NLRP13: variants seen among roughly 807,000 people sequenced by gnomAD.
NLRP13 encodes the protein NACHT, LRR and PYD domains-containing protein 13.
In NLRP13, 82 loss-of-function variants were observed where a neutral mutation model predicts 94.4. That is an observed-to-expected ratio of 0.87 (90% CI 0.73 to 1.04). The LOEUF (loss-of-function observed/expected upper bound fraction) is 1.04, where lower values mean the gene tolerates loss of function less well. Ranked by LOEUF, NLRP13 falls within the 50% of genes least tolerant of loss-of-function variation. The probability of loss-of-function intolerance (pLI) is 0.00; values close to 1 mark genes in which losing one functional copy is unlikely to be tolerated. For synonymous variants in NLRP13, 553 were observed against 464.7 expected, an observed-to-expected ratio of 1.19 and a Z score of -2.45; for missense variants, 1,426 against 1,230.8, an observed-to-expected ratio of 1.16 and a Z score of -2.37.
intron 5 of NLRP13, among the ~76,000 whole-genome samples, chr19:55,911,365 G>A (rs1797567840): frequency 6.6e-6 from 1 of 152,110 alleles, no homozygotes; most frequent in South Asian, 2.1e-4. Context: ...CCAGTAGCTG[G>A]GACCACAGGT....
downstream of NLRP13, among the ~76,000 whole-genome samples, chr19:55,894,245 T>C (rs1985937858): frequency 6.6e-6 from 1 of 152,068 alleles, no homozygotes. Context: ...TCTGCCTATG[T>C]TGCCCATGCT....
rs143926098 is a variant in NLRP13 at position 55,912,619 on chromosome 19, C to T, written c.1198G>A (p.Asp400Asn). 3.1e-5 allele frequency: 50 copies of T among 1,614,168 alleles called. No individual in the cohort carries two copies. Among genetic ancestry groups the T allele is most frequent in the Non-Finnish European group, 4.2e-5 (49 of 1,180,010 alleles). The part of the protein sequence containing the change: ...DLRVYFMRHF[D>N]DSSEVEKILQ... ...ATTTTCTCAACTTCACTTGAGTCAT[C>T]AAAGTGTCTCATGAAATATACCCGT... The change falls in exon 5 of 11, where the codon GAT (aspartate) becomes AAT (asparagine). Residue 400 changes from aspartate (D) to asparagine (N), a missense_variant. Physicochemically the swap from Asp to Asn is conservative, Grantham distance 23. Coordinates refer to ENST00000342929, the MANE Select transcript of NLRP13 (RefSeq NM_176810.2).
At position 55,916,465 on chromosome 19, in the gene NLRP13, A is replaced by C. The variant is rs374461576; in HGVS notation, c.524-3172T>G. 2.0e-5 allele frequency among the ~76,000 whole-genome samples: 3 copies of C among 152,326 alleles called. 1 individual carries two copies. The highest frequency in any genetic ancestry group is 7.2e-5 in the African/African-American group (3 of 41,582). ...CAAGAGAAATCATAAAACCTGTACA[A>C]AGAAATCAGAAAATAAATTCAGGAT... On this transcript the variant is annotated intron_variant, in intron 4 of 10. Transcript: ENST00000342929.
At chr19:55,898,204 TTG>T (rs1491020285) in intron 10 of NLRP13, among the ~76,000 whole-genome samples, 4 of 31,972 alleles carry the variant, frequency 1.3e-4, no homozygotes, top group Non-Finnish European at 2.5e-4. Context: ...GTTTTTGTTT[TTG>T]TTTTTGTTTT....
Position 55,932,011 on chromosome 19 carries a change from C to A in NLRP13, c.301G>T (p.Val101Phe). The A allele has an allele frequency of 6.2e-7, 1 of 1,613,676 alleles. No individual in the cohort carries two copies. The highest frequency in any genetic ancestry group is 8.5e-7 in the Non-Finnish European group (1 of 1,180,024). Residue 101 changes from valine (V) to phenylalanine (F), a missense_variant, in exon 1 of 11, where the codon GTT becomes TTT. Val to Phe is a conservative substitution (Grantham distance 50, BLOSUM62 -1). Transcript: ENST00000342929. ...TMNLTSLCEK[V>F]RAEMKENVQT... ...CTCTCACCTTTCATCTCGGCTCTAA[C>A]TTTCTCACACAGTGAGGTCAGATTC... is the stretch of plus-strand genomic sequence containing the variant.
chr19:55,901,798 C>T (rs1986185300), intron 9 of NLRP13, among the ~76,000 whole-genome samples: 1 of 152,022 alleles, frequency 6.6e-6, no homozygotes, highest in African/African-American at 2.4e-5. Flanking sequence ...GGCTGGATCC[C>T]GAGTCCTCCC....
At chr19:55,898,975 T>C (rs1986092841) in intron 9 of NLRP13, 38 bp from the exon 10 acceptor site, 5 of 1,587,426 alleles carry the variant, frequency 3.1e-6, no homozygotes, top group Non-Finnish European at 4.3e-6. Context: ...GGAAAGTAAT[T>C]GCGTCCCGAA....
rs552779461 is a variant in NLRP13 at position 55,918,712 on chromosome 19, G to A, written c.523+5202C>T. 2.2e-4 allele frequency among the ~76,000 whole-genome samples: 34 copies of A among 152,142 alleles called. 1 individual carries two copies. The South Asian group carries it at 7.0e-3, about 31-fold the overall frequency. ...CCTGAACAGATCAACAACAAGGAGT[G>A]AGTGAATCAGTAATTTAAAAAATTA... On this transcript the variant is annotated intron_variant, in intron 4 of 10. Transcript: ENST00000342929.
intron 10 of NLRP13, among the ~76,000 whole-genome samples, chr19:55,897,782 T>A (rs1986053951): frequency 6.6e-6 from 1 of 152,192 alleles, no homozygotes; most frequent in South Asian, 2.1e-4. Flanking sequence ...AATCTCTGAA[T>A]AGAGGTTTGA....
chr19:55,927,354 C>A (rs1446322919), intron 1 of NLRP13, among the ~76,000 whole-genome samples: 4 of 132,546 alleles, frequency 3.0e-5, no homozygotes, highest in African/African-American at 5.9e-5. Context: ...GGTGGCAGAG[C>A]GAGGCTCCAT....
rs375147174 is a variant in NLRP13, at chr19:55,903,593, T to G, written c.2618+1349A>C. On this transcript the variant is annotated intron_variant, in intron 8 of 10. Transcript: ENST00000342929. ...TCACGTAACATCTCTGAATGGCATC[T>G]CAAGCTCCTATACCCCCAACCCAAA... Among the ~76,000 whole-genome samples the G allele has an allele frequency of 5.9e-5, 9 of 152,180 alleles. No homozygotes were observed. The East Asian group carries it at 1.4e-3, about 23-fold the overall frequency.
rs1338071833 is a variant in NLRP13, at chr19:55,930,901, A to ATATATATATATATATTT, written c.319+1091_319+1092insAAATATATATATATATA. 4.4e-3 allele frequency among the ~76,000 whole-genome samples: 436 copies of ATATATATATATATATTT among 98,194 alleles called. 3 individuals carry two copies. The highest frequency in any genetic ancestry group is 7.5e-3 in the Non-Finnish European group (400 of 53,006). The allele number at this position is 98,194 out of a possible 152,430, so 64.4% of individuals were successfully genotyped here. A position where few individuals can be genotyped will look rare whatever the true frequency, so the allele number is the denominator to read the frequency against. ...ATATATATATATATATATATATAAA[A>ATATATATATATATATTT]TTTTAACCAGAAGCTTAAACAGCAT... is the stretch of plus-strand genomic sequence containing the variant. On this transcript the variant is annotated intron_variant, in intron 1 of 10. Coordinates refer to ENST00000342929, the MANE Select transcript of NLRP13 (RefSeq NM_176810.2).
Position 55,912,658 on chromosome 19 carries a change from T to C in NLRP13, c.1159A>G (p.Thr387Ala), listed in dbSNP as rs1986556512. The C allele has an allele frequency of 1.2e-6, 2 of 1,614,244 alleles. No homozygotes were observed. Among genetic ancestry groups the C allele is most frequent in the Non-Finnish European group, 1.7e-6 (2 of 1,180,042 alleles). The change falls in exon 5 of 11, where the codon ACA becomes GCA. Residue 387 changes from threonine to alanine, a missense_variant. Thr to Ala is a moderately conservative substitution (Grantham distance 58). Transcript: ENST00000342929. ...AAATATACCCGTAGGTCGTCCCCTG[T>C]GAACCCTGTAATTTGTACAAAGCAT... ...NPCFVQITGFTGDDLRVYFMR... is the reference protein window; with the variant it reads ...NPCFVQITGFAGDDLRVYFMR...
At position 55,913,013 on chromosome 19, in the gene NLRP13, G is replaced by A. The variant is rs772032663; in HGVS notation, c.804C>T (p.Leu268=). The change falls in exon 5 of 11, where the codon CTC becomes CTT. Residue 268 remains leucine, a synonymous_variant. Coordinates refer to ENST00000342929, the MANE Select transcript of NLRP13 (RefSeq NM_176810.2). ...TCATGTACCTTATTTTATGGCAGCT[G>A]AGATAGAAAACATAGGAGAACCTTT... ...FQQRFSYVFY[L]SCHKIRYMKE... is the part of the protein sequence containing the mutation. The A allele has an allele frequency of 6.2e-7, 1 of 1,614,020 alleles. No individual in the cohort carries two copies. The highest frequency in any genetic ancestry group is 1.3e-5 in the African/African-American group (1 of 74,894).
intron 4 of NLRP13, among the ~76,000 whole-genome samples, chr19:55,917,293 A>G (rs1194945297): frequency 1.3e-5 from 2 of 152,144 alleles, no homozygotes; most frequent in African/African-American, 4.8e-5. Flanking sequence ...CACCAGTCTT[A>G]TAAAGCAATT....
rs199476250 is a variant in NLRP13 at position 55,924,447 on chromosome 19, A to C, written c.457+143T>G. The stretch of plus-strand genomic sequence containing the variant: ...CGTAAGTTATTATTTAATAAGAAAT[A>C]CTGGAAGAACTAGATGGAAAGAGTT... On this transcript the variant is annotated intron_variant, in intron 3 of 10. Coordinates refer to ENST00000342929, the MANE Select transcript of NLRP13 (RefSeq NM_176810.2). 5.6e-4 allele frequency: 362 copies of C among 646,928 alleles called. 1 individual carries two copies. The highest frequency in any genetic ancestry group is 1.3e-4 in the Non-Finnish European group (46 of 362,768). The allele number at this position is 646,928 out of a possible 1,614,324, so 40.1% of individuals were successfully genotyped here. A position where few individuals can be genotyped will look rare whatever the true frequency, so the allele number is the denominator to read the frequency against.
At chr19:55,894,929 T>A (rs1422909039), downstream of NLRP13, among the ~76,000 whole-genome samples, 1 of 152,186 alleles carries the variant, frequency 6.6e-6, no homozygotes, top group Non-Finnish European at 1.5e-5. Flanking sequence ...ATTAGCGACA[T>A]GTGGCTGTTA....
intron 1 of NLRP13, 29 bp from the exon 2 acceptor site, chr19:55,925,064 A>G: frequency 3.1e-6 from 5 of 1,600,010 alleles, no homozygotes; most frequent in Non-Finnish European, 4.3e-6. Context: ...ATGACATATG[A>G]GAATACCCAG....
rs765440351 is a variant in NLRP13 at position 55,895,950 on chromosome 19, C to A, written c.3127G>T (p.Gly1043Trp). ...KKSTCRLQKL[G>W] is the part of the protein sequence containing the mutation. Reference sequence around the variant, plus strand: ...TGCAGAAAAGTCAGTGAGGTTTACCCGAGTTTCTGCAGCCTGCATGTCGAC... The same window carrying A: ...TGCAGAAAAGTCAGTGAGGTTTACCAGAGTTTCTGCAGCCTGCATGTCGAC... The change falls in exon 11 of 11, where the codon GGG becomes TGG. Residue 1043 changes from glycine to tryptophan, a missense_variant. Transcript: ENST00000342929. 1 of 1,613,568 alleles carries A rather than the reference C, an allele frequency of 6.2e-7. No individual in the cohort carries two copies. The highest frequency in any genetic ancestry group is 1.3e-5 in the African/African-American group (1 of 74,904).
Sources: gnomAD v4.1 joint callset for allele counts (sites outside exome capture counted in the v4.1 genomes callset) on GRCh38, gnomAD v4.1.1 for gene constraint, MANE v1.5 for transcripts, NCBI Gene and HGNC (gene_info 2026-07-23, HGNC 2026-07-21) for gene names.